DNAH14: variants seen among roughly 807,000 people sequenced by gnomAD.
DNAH14 encodes axonemal beta dynein heavy chain 14.
Under a neutral mutation model 520.9 loss-of-function variants are expected in DNAH14, and 478 were observed. The observed-to-expected ratio is 0.92, with a 90% CI of 0.85 to 0.99. The LOEUF is 0.99. Among genes scored for constraint, DNAH14 ranks in the 50% least tolerant of loss-of-function variants. DNAH14 has a pLI of 0.00. For missense variants in DNAH14, 4,831 were observed against 5,234.5 expected (o/e 0.92, Z 2.38); for synonymous variants, 1,581 against 1,757.2 (o/e 0.90, Z 2.51).
intron 27 of DNAH14, among the ~76,000 whole-genome samples, chr1:225,132,882 G>A (rs2078571716): frequency 6.6e-6 from 1 of 152,036 alleles, no homozygotes. Flanking sequence ...AACCTCACCA[G>A]CATCTATTTT....
At chr1:225,339,705 C>T (rs953870577) in intron 68 of DNAH14, among the ~76,000 whole-genome samples, 1 of 152,186 alleles carries the variant, frequency 6.6e-6, no homozygotes, top group African/African-American at 2.4e-5. Context: ...CAGTGATAGA[C>T]CTCACTCTGT....
intron 68 of DNAH14, 47 bp downstream of exon 68, chr1:225,338,229 A>T (rs1394330014): frequency 1.3e-6 from 2 of 1,546,388 alleles, no homozygotes; most frequent in African/African-American, 2.7e-5. Context: ...GCTTTTTAAG[A>T]TAAATAATAT....
At chr1:225,288,647 T>C (rs1294162432) in intron 54 of DNAH14, among the ~76,000 whole-genome samples, 6 of 152,068 alleles carry the variant, frequency 3.9e-5, no homozygotes, top group Non-Finnish European at 8.8e-5. Context: ...TTTTTAAAAA[T>C]AGACAAAAGA....
At chr1:225,138,092 G>A (rs1317805881) in intron 27 of DNAH14, among the ~76,000 whole-genome samples, 1 of 151,840 alleles carries the variant, frequency 6.6e-6, no homozygotes, top group African/African-American at 2.4e-5. Context: ...CTGTGGATAT[G>A]GCAGCTGCCC....
chr1:224,972,755 G>A (rs554656889), intron 7 of DNAH14, among the ~76,000 whole-genome samples: 25 of 152,252 alleles, frequency 1.6e-4, no homozygotes, highest in East Asian at 1.5e-3. Context: ...GTGAGCCACC[G>A]CGCTTGGCCA....
intron 1 of DNAH14, among the ~76,000 whole-genome samples, chr1:224,944,318 C>T (rs2059641397): frequency 6.6e-6 from 1 of 151,454 alleles, no homozygotes; most frequent in Admixed American, 6.6e-5. Flanking sequence ...GGATTGCAAC[C>T]CCTTTTTTTG....
intron 36 of DNAH14, among the ~76,000 whole-genome samples, chr1:225,168,720 G>T (rs1309503689): frequency 2.0e-5 from 3 of 152,194 alleles, no homozygotes. Context: ...CTGCACCTCT[G>T]GGGGCAGGGC....
intron 41 of DNAH14, among the ~76,000 whole-genome samples, chr1:225,218,933 A>T (rs112253196): frequency 0.049 from 7,419 of 152,272 alleles, 285 homozygotes; most frequent in Non-Finnish European, 0.072. Flanking sequence ...AGCAAATGCA[A>T]AAAATGGAAA....
In DNAH14 at chr1:225,185,398, A is replaced by C. The variant is rs2084568251; in HGVS notation, c.5643A>C (p.Ser1881=). The change falls in exon 37 of 86, where the codon TCA becomes TCC. Residue 1881 remains serine (S), a synonymous_variant. Coordinates refer to ENST00000682510, the MANE Select transcript of DNAH14 (RefSeq NM_001367479.1). ...TATTACCAATTGCAGACTTCTTATC[A>C]GTTGCAGAAAGAAAATCTGCTTCAA... ...LTLLPIADFL[S]VAERKSASKI... is the part of the protein sequence containing the mutation. 1.3e-6 allele frequency: 2 copies of C among 1,535,316 alleles called. No individual in the cohort carries two copies. Among genetic ancestry groups the C allele is most frequent in the African/African-American group, 2.8e-5 (2 of 72,184 alleles).
chr1:225,133,187 T>G (rs916813581), intron 27 of DNAH14, among the ~76,000 whole-genome samples: 12 of 152,226 alleles, frequency 7.9e-5, no homozygotes, highest in African/African-American at 2.9e-4. Flanking sequence ...TTCACTCTGA[T>G]GATAGTTTCT....
chr1:224,939,689 C>T (rs900251), intron 1 of DNAH14, among the ~76,000 whole-genome samples: 1 of 150,888 alleles, frequency 6.6e-6, no homozygotes, highest in Non-Finnish European at 1.5e-5. Flanking sequence ...ATCTCAACAA[C>T]AAAAAAAACT....
chr1:224,991,619 G>A (rs541535204), intron 8 of DNAH14, among the ~76,000 whole-genome samples: 12 of 152,176 alleles, frequency 7.9e-5, no homozygotes, highest in African/African-American at 2.9e-4. Flanking sequence ...GGGATTACAG[G>A]TGTCCGTGAC....
In DNAH14 at chr1:225,020,508, AAAAAAAAAC is replaced by A. The variant is rs1572511641; in HGVS notation, c.1108-3104_1108-3096del. 1.3e-5 allele frequency among the ~76,000 whole-genome samples: 2 copies of A among 148,912 alleles called. 1 individual carries two copies. The highest frequency in any genetic ancestry group is 3.0e-5 in the Non-Finnish European group (2 of 67,350). On this transcript the variant is annotated intron_variant, in intron 10 of 85. Coordinates refer to ENST00000682510, the MANE Select transcript of DNAH14 (RefSeq NM_001367479.1). ...CAAGGCTCTGTCTCAAAAAAAAAAAAAAAAAAAACAACTCAAAGGCTACTATAAACACCT... is the reference window on the plus strand; with the variant it reads ...CAAGGCTCTGTCTCAAAAAAAAAAAAAACTCAAAGGCTACTATAAACACCT...
chr1:225,045,015 C>T (rs1351887359), intron 15 of DNAH14, among the ~76,000 whole-genome samples: 1 of 152,026 alleles, frequency 6.6e-6, no homozygotes, highest in East Asian at 1.9e-4. Context: ...CCTTTGTATA[C>T]TTGTGATTTC....
Position 225,337,357 on chromosome 1 carries a change from TG to T in DNAH14, c.10173del (p.Ile3392LeufsTer37), listed in dbSNP as rs1222174209. The T allele has an allele frequency of 6.4e-7, 1 of 1,551,698 alleles. No individual in the cohort carries two copies. Among genetic ancestry groups the T allele is most frequent in the Non-Finnish European group, 8.7e-7 (1 of 1,146,988 alleles). ...LIKNGQQWPL[L>X]IDPHRQAHKW... ...AAGAATGGCCAGCAGTGGCCACTGC[TG>T]ATTGACCCACATAGGCAAGCTCACA... is the stretch of plus-strand genomic sequence containing the variant. On this transcript the variant is annotated frameshift_variant, in exon 67 of 86. Transcript: ENST00000682510. LOFTEE classifies it high-confidence loss of function.
intron 17 of DNAH14, among the ~76,000 whole-genome samples, chr1:225,061,612 G>T (rs1301174938): frequency 1.3e-5 from 2 of 152,098 alleles, no homozygotes; most frequent in African/African-American, 4.8e-5. Context: ...GCTCATGCTG[G>T]GAGCTGTAGA....
At chr1:225,103,124 C>A (rs1436219546) in intron 23 of DNAH14, among the ~76,000 whole-genome samples, 1 of 152,148 alleles carries the variant, frequency 6.6e-6, no homozygotes, top group African/African-American at 2.4e-5. Context: ...CCAGTTTTCC[C>A]AGCACCATTT....
chr1:225,056,306 A>T (rs111515309), intron 17 of DNAH14, among the ~76,000 whole-genome samples: 8,002 of 152,166 alleles, frequency 0.053, 322 homozygotes, highest in Non-Finnish European at 0.078. Flanking sequence ...GCATTTTTTC[A>T]TGTCTTTTGG....
intron 41 of DNAH14, among the ~76,000 whole-genome samples, chr1:225,229,726 T>C (rs1171222147): frequency 6.6e-6 from 1 of 151,330 alleles, no homozygotes; most frequent in Non-Finnish European, 1.5e-5. Flanking sequence ...AATGAGAACA[T>C]ATGGGCACAA....
Sources: allele counts gnomAD v4.1 joint callset (sites outside exome capture counted in the v4.1 genomes callset), GRCh38; gene constraint gnomAD v4.1.1; transcripts MANE v1.5; gene names NCBI Gene and HGNC (gene_info 2026-07-23, HGNC 2026-07-21).